Variants in AP4S1 observed in about 807,000 individuals in gnomAD.
The protein encoded by AP4S1 is adaptor related protein complex 4 subunit sigma 1.
In AP4S1, 23 loss-of-function variants were observed where a neutral mutation model predicts 19.8. That is an observed-to-expected ratio of 1.16 (90% CI 0.84 to 1.65). The LOEUF (loss-of-function observed/expected upper bound fraction) is 1.65. Ranked by LOEUF, AP4S1 falls within the 40% of genes most tolerant of loss-of-function variation. AP4S1 has a pLI of 0.00. For missense variants in AP4S1, 166 were observed against 172.8 expected, an observed-to-expected ratio of 0.96 and a Z score of 0.22; for synonymous variants, 46 against 54.1, an observed-to-expected ratio of 0.85 and a Z score of 0.66.
chr14:31,047,364 T>C (rs1885469893), intron 1 of AP4S1, among the ~76,000 whole-genome samples: 1 of 151,786 alleles, frequency 6.6e-6, no homozygotes, highest in Non-Finnish European at 1.5e-5. Context: ...GTTGGTTGGT[T>C]TTTATTTTTT....
chr14:31,092,137 A>G (rs958433773), intron 5 of AP4S1, among the ~76,000 whole-genome samples: 1 of 152,222 alleles, frequency 6.6e-6, no homozygotes, highest in Non-Finnish European at 1.5e-5. Context: ...TTCTCAAATG[A>G]CTTCTTAGAA....
intron 2 of AP4S1, among the ~76,000 whole-genome samples, chr14:31,068,218 G>A (rs545149159): frequency 7.0e-4 from 107 of 152,280 alleles, no homozygotes; most frequent in Non-Finnish European, 1.1e-3. Context: ...TACTTAATCC[G>A]GTCCTAAACT....
chr14:31,077,692 T>C (rs532979773), intron 4 of AP4S1, among the ~76,000 whole-genome samples: 2 of 152,278 alleles, frequency 1.3e-5, no homozygotes, highest in African/African-American at 4.8e-5. Context: ...ATCATTGCCT[T>C]AGTGCATGAG....
At chr14:31,091,630 C>T (rs1292562085) in intron 5 of AP4S1, among the ~76,000 whole-genome samples, 5 of 151,160 alleles carry the variant, frequency 3.3e-5, no homozygotes, top group African/African-American at 9.7e-5. Flanking sequence ...GAGATATTCA[C>T]ACAGAGCCTA....
chr14:31,028,667 C>T lies in AP4S1; in HGVS notation c.-72+2880C>T, dbSNP rs188079367. 7.9e-3 allele frequency among the ~76,000 whole-genome samples: 1,200 copies of T among 152,076 alleles called. 16 individuals are homozygous for T. The highest frequency in any genetic ancestry group is 8.6e-3 in the Non-Finnish European group (588 of 68,002). ...GTGGCTCACACCTATAATCCCAGCA[C>T]TTTGGGAGGCCGAAGCGGGCAGATC... On this transcript the variant is annotated intron_variant, in intron 1 of 5. Coordinates refer to ENST00000542754, the MANE Select transcript of AP4S1 (RefSeq NM_001128126.3).
At chr14:31,039,572 G>GTTTT (rs1398903989) in intron 1 of AP4S1, among the ~76,000 whole-genome samples, 5 of 115,802 alleles carry the variant, frequency 4.3e-5, no homozygotes, top group East Asian at 2.3e-4. Flanking sequence ...GTGTAGTTTT[G>GTTTT]TTTTTTTTTT....
At position 31,047,400 on chromosome 14, in the gene AP4S1, T is replaced by C. The variant is rs1594648320; in HGVS notation, c.-71-18726T>C. Among the ~76,000 whole-genome samples the C allele has an allele frequency of 2.0e-5, 3 of 149,682 alleles. No individual in the cohort carries two copies. The South Asian group carries it at 6.4e-4, about 32-fold the overall frequency. ...GAGACACAATCTTTTTTTTTTTTTTTTTTTTGAGACGGAGTCTTGCTCTGT... is the reference window on the plus strand; with the variant it reads ...GAGACACAATCTTTTTTTTTTTTTTCTTTTTGAGACGGAGTCTTGCTCTGT... On this transcript the variant is annotated intron_variant, in intron 1 of 5. Coordinates refer to ENST00000542754, the MANE Select transcript of AP4S1 (RefSeq NM_001128126.3).
At chr14:31,073,456 C>G (rs1366529603) in intron 4 of AP4S1, among the ~76,000 whole-genome samples, 24 of 146,312 alleles carry the variant, frequency 1.6e-4, no homozygotes, top group South Asian at 2.2e-4. Flanking sequence ...CGCCACTGCA[C>G]TCCAGCCTGG....
intron 4 of AP4S1, chr14:31,073,252 A>T (rs1216521358): frequency 1.9e-5 from 7 of 361,420 alleles, no homozygotes; most frequent in African/African-American, 1.3e-4. Context: ...GCACTTTGGG[A>T]GGCTAAGGTG....
At chr14:31,035,932 A>T (rs191543445) in intron 1 of AP4S1, among the ~76,000 whole-genome samples, 4 of 151,900 alleles carry the variant, frequency 2.6e-5, no homozygotes, top group East Asian at 1.9e-4. Flanking sequence ...GGGTTTCACC[A>T]TGTTAGCCAG....
chr14:31,044,534 G>A (rs1201933367), intron 1 of AP4S1, among the ~76,000 whole-genome samples: 1 of 150,928 alleles, frequency 6.6e-6, no homozygotes, highest in South Asian at 2.1e-4. Flanking sequence ...TTTTAATAGA[G>A]ACAGGGTCTT....
At chr14:31,073,474 A>G (rs953599234) in intron 4 of AP4S1, among the ~76,000 whole-genome samples, 1 of 148,180 alleles carries the variant, frequency 6.7e-6, no homozygotes, top group Non-Finnish European at 1.5e-5. Flanking sequence ...TGGGCAACAG[A>G]GCGAGACTCC....
Position 31,073,397 on chromosome 14 carries a change from G to A in AP4S1, c.294+424G>A, listed in dbSNP as rs1342846388. 2.9e-4 allele frequency among the ~76,000 whole-genome samples: 39 copies of A among 135,970 alleles called. 1 individual carries two copies. The highest frequency in any genetic ancestry group is 4.7e-4 in the Non-Finnish European group (29 of 61,096). The allele number at this position is 135,970 out of a possible 152,430, so 89.2% of individuals were successfully genotyped here. A position where few individuals can be genotyped will look rare whatever the true frequency, so the allele number is the denominator to read the frequency against. ...CCCAGCTACTCCGGAGGCTGAGGCA[G>A]GAGAATGGCGTGAACCCGGGAGGCG... is the stretch of plus-strand genomic sequence containing the variant. On this transcript the variant is annotated intron_variant, in intron 4 of 5. Transcript: ENST00000542754.
chr14:31,042,553 A>G (rs1257705851), intron 1 of AP4S1, among the ~76,000 whole-genome samples: 1 of 152,196 alleles, frequency 6.6e-6, no homozygotes, highest in East Asian at 1.9e-4. Flanking sequence ...GAGATGATTA[A>G]GGAGTAAAAA....
intron 1 of AP4S1, among the ~76,000 whole-genome samples, chr14:31,059,559 T>G (rs1309757606): frequency 1.3e-5 from 2 of 152,206 alleles, no homozygotes; most frequent in Non-Finnish European, 1.5e-5. Context: ...TAAATAACTT[T>G]GCTGAAATGG....
intron 1 of AP4S1, among the ~76,000 whole-genome samples, chr14:31,050,419 T>G (rs1221361646): frequency 6.6e-6 from 1 of 152,180 alleles, no homozygotes; most frequent in Non-Finnish European, 1.5e-5. Context: ...CACTTTAATA[T>G]GAATACTTAT....
intron 5 of AP4S1, among the ~76,000 whole-genome samples, chr14:31,088,640 T>C (rs1273891569): frequency 6.6e-6 from 1 of 151,662 alleles, no homozygotes; most frequent in East Asian, 1.9e-4. Context: ...AAACCTCACT[T>C]CTACTAAAAA....
At chr14:31,073,474 A>C (rs953599234) in intron 4 of AP4S1, among the ~76,000 whole-genome samples, 3 of 148,180 alleles carry the variant, frequency 2.0e-5, no homozygotes, top group Admixed American at 2.0e-4. Flanking sequence ...TGGGCAACAG[A>C]GCGAGACTCC....
chr14:31,058,547 G>C (rs1886258185), intron 1 of AP4S1, among the ~76,000 whole-genome samples: 1 of 44,818 alleles, frequency 2.2e-5, no homozygotes, highest in Non-Finnish European at 5.5e-5. Context: ...GTGTGTGTGT[G>C]TGTGTGTGTG....
Sources: allele counts gnomAD v4.1 joint callset (sites outside exome capture counted in the v4.1 genomes callset), GRCh38; gene constraint gnomAD v4.1.1; transcripts MANE v1.5; gene names NCBI Gene and HGNC (gene_info 2026-07-23, HGNC 2026-07-21).